The following PTPRD variants were observed in gnomAD, a reference collection of about 807,000 sequenced individuals.
PTPRD encodes protein tyrosine phosphatase receptor type D, also known as receptor-type tyrosine-protein phosphatase delta.
Under a neutral mutation model 214.5 loss-of-function variants are expected in PTPRD, and 34 were observed. The observed-to-expected ratio is 0.16, with a 90% CI of 0.12 to 0.21. PTPRD has a LOEUF of 0.21. Ranked by LOEUF, PTPRD falls within the 10% of genes least tolerant of loss-of-function variation. The pLI is 1.00. For synonymous variants in PTPRD, 1,128 were observed against 845.7 expected, an observed-to-expected ratio of 1.33 and a Z score of -5.79; for missense variants, 2,545 against 2,398.7, an observed-to-expected ratio of 1.06 and a Z score of -1.27.
intron 9 of PTPRD, among the ~76,000 whole-genome samples, chr9:9,244,834 T>C (rs937343857): frequency 6.6e-6 from 1 of 152,026 alleles, no homozygotes; most frequent in Admixed American, 6.6e-5. Flanking sequence ...GAAACTACCA[T>C]CAGAGTGAAC....
intron 2 of PTPRD, among the ~76,000 whole-genome samples, chr9:10,436,440 G>A (rs1283179575): frequency 6.6e-6 from 1 of 151,590 alleles, no homozygotes; most frequent in East Asian, 1.9e-4. Context: ...AGTATGATAA[G>A]GTGACAATTT....
intron 39 of PTPRD, among the ~76,000 whole-genome samples, chr9:8,358,864 T>C (rs535256601): frequency 2.0e-5 from 3 of 151,698 alleles, no homozygotes; most frequent in East Asian, 1.9e-4. Context: ...TCCCAGCACT[T>C]TGGGAGGCCG....
chr9:10,245,495 A>G (rs576195561), intron 3 of PTPRD, among the ~76,000 whole-genome samples: 1 of 152,216 alleles, frequency 6.6e-6, no homozygotes. Flanking sequence ...CCTACTATGT[A>G]CAAAATGTGC....
At chr9:9,892,962 G>T (rs959639962) in intron 5 of PTPRD, among the ~76,000 whole-genome samples, 6 of 152,050 alleles carry the variant, frequency 3.9e-5, no homozygotes, top group African/African-American at 1.4e-4. Flanking sequence ...ATTTGTAGGA[G>T]TAAAATAGGA....
chr9:9,545,306 T>A (rs2078524240), intron 8 of PTPRD, among the ~76,000 whole-genome samples: 1 of 151,776 alleles, frequency 6.6e-6, no homozygotes, highest in Non-Finnish European at 1.5e-5. Flanking sequence ...TGCCTATTCA[T>A]CCCTCCCTTT....
intron 9 of PTPRD, among the ~76,000 whole-genome samples, chr9:9,386,860 G>A (rs2064037351): frequency 6.6e-6 from 1 of 152,120 alleles, no homozygotes; most frequent in Admixed American, 6.6e-5. Context: ...AAAGGGAACT[G>A]AAGGTCCATC....
intron 2 of PTPRD, among the ~76,000 whole-genome samples, chr9:10,519,357 A>C (rs2051360083): frequency 6.6e-6 from 1 of 151,876 alleles, no homozygotes; most frequent in Non-Finnish European, 1.5e-5. Context: ...TTCATTAAAT[A>C]TATATGTACT....
chr9:9,786,386 G>T (rs893964701), intron 5 of PTPRD, among the ~76,000 whole-genome samples: 1 of 152,160 alleles, frequency 6.6e-6, no homozygotes, highest in African/African-American at 2.4e-5. Flanking sequence ...AGAGTATCAA[G>T]AACCTGAAGA....
intron 39 of PTPRD, among the ~76,000 whole-genome samples, chr9:8,368,199 C>T (rs2080485220): frequency 6.6e-6 from 1 of 152,160 alleles, no homozygotes; most frequent in African/African-American, 2.4e-5. Context: ...GGGGGTTCTC[C>T]TTCTGATTCC....
intron 5 of PTPRD, among the ~76,000 whole-genome samples, chr9:9,801,077 A>T (rs1303862089): frequency 1.3e-5 from 2 of 152,178 alleles, no homozygotes; most frequent in Non-Finnish European, 2.9e-5. Flanking sequence ...GAAGGAAAAA[A>T]GAATCAGACA....
intron 3 of PTPRD, among the ~76,000 whole-genome samples, chr9:10,215,126 G>T (rs1015081429): frequency 6.6e-6 from 1 of 151,846 alleles, no homozygotes; most frequent in African/African-American, 2.4e-5. Flanking sequence ...AAAATTTTAA[G>T]ATACTATTAT....
At chr9:9,166,697 G>A (rs1444958528) in intron 10 of PTPRD, among the ~76,000 whole-genome samples, 1 of 152,114 alleles carries the variant, frequency 6.6e-6, no homozygotes, top group African/African-American at 2.4e-5. Flanking sequence ...AAAGGACACA[G>A]ATTATGATCC....
chr9:8,364,320 G>T (rs2079232242), intron 39 of PTPRD, among the ~76,000 whole-genome samples: 1 of 152,244 alleles, frequency 6.6e-6, no homozygotes, highest in African/African-American at 2.4e-5. Context: ...TGGCACATGG[G>T]TTATCATTGG....
At chr9:8,733,234 T>G (rs2098679358) in intron 12 of PTPRD, among the ~76,000 whole-genome samples, 1 of 152,086 alleles carries the variant, frequency 6.6e-6, no homozygotes, top group Admixed American at 6.6e-5. Context: ...TTCCAGACCC[T>G]TCATCCAGCC....
At chr9:10,420,713 T>C (rs370782389) in intron 2 of PTPRD, among the ~76,000 whole-genome samples, 34 of 152,044 alleles carry the variant, frequency 2.2e-4, no homozygotes, top group Non-Finnish European at 4.1e-4. Flanking sequence ...AAATGTTTTA[T>C]ATTTCAACAA....
intron 2 of PTPRD, among the ~76,000 whole-genome samples, chr9:10,448,153 C>T (rs564261522): frequency 2.0e-5 from 3 of 152,134 alleles, no homozygotes; most frequent in African/African-American, 4.8e-5. Flanking sequence ...AGTCTTAAGA[C>T]AGCATTAACT....
At chr9:10,078,593 T>C (rs2098177604) in intron 3 of PTPRD, among the ~76,000 whole-genome samples, 1 of 150,708 alleles carries the variant, frequency 6.6e-6, no homozygotes, top group South Asian at 2.1e-4. Context: ...TTGGCATCAT[T>C]AAATATCCCA....
At chr9:10,195,394 A>G (rs553617572) in intron 3 of PTPRD, among the ~76,000 whole-genome samples, 1 of 152,124 alleles carries the variant, frequency 6.6e-6, no homozygotes, top group South Asian at 2.1e-4. Flanking sequence ...ATGGCCTTTC[A>G]TAATCAAGAT....
intron 3 of PTPRD, among the ~76,000 whole-genome samples, chr9:10,193,574 G>C (rs1455587541): frequency 6.6e-6 from 1 of 152,076 alleles, no homozygotes; most frequent in African/African-American, 2.4e-5. Flanking sequence ...ACAGGAATGA[G>C]GGTTGTTCCC....
Sources: allele counts gnomAD v4.1 joint callset (sites outside exome capture counted in the v4.1 genomes callset), GRCh38; gene constraint gnomAD v4.1.1; transcripts MANE v1.5; gene names NCBI Gene and HGNC (gene_info 2026-07-23, HGNC 2026-07-21).